Variants in RYR1 observed in about 807,000 individuals in gnomAD.
RYR1 encodes central core disease of muscle.
In RYR1, 342 loss-of-function variants were observed where a neutral mutation model predicts 583.5. That is an observed-to-expected ratio of 0.59 (90% confidence interval 0.54 to 0.64). RYR1 has a LOEUF of 0.64. RYR1 is among the 30% of genes least tolerant of loss of function. The probability of loss-of-function intolerance (pLI) is 0.00; values close to 1 mark genes in which losing one functional copy is unlikely to be tolerated. For synonymous variants in RYR1, 2,791 were observed against 2,822.5 expected, an observed-to-expected ratio of 0.99 and a Z score of 0.35; for missense variants, 6,032 against 6,917.2, an observed-to-expected ratio of 0.87 and a Z score of 4.54.
chr19:38,572,111 C>T lies in RYR1; in HGVS notation c.13839C>T (p.Gly4613=). 6.2e-7 allele frequency: 1 copy of T among 1,614,106 alleles called. No homozygotes were observed. Among genetic ancestry groups the T allele is most frequent in the Non-Finnish European group, 8.5e-7 (1 of 1,180,026 alleles). Residue 4613 remains glycine (G), a synonymous_variant, in exon 95 of 106, where the codon GGC becomes GGT. Coordinates refer to ENST00000359596, the MANE Select transcript of RYR1 (RefSeq NM_000540.3). ...GCTCTGGTGGCAGCTCTGGCTGGGG[C>T]TTGGGGGCCGGAGAGGAGGCAGAGG... ...GAGSGGSSGW[G]LGAGEEAEGD... is the part of the protein sequence containing the mutation.
At chr19:38,532,206 C>T (rs965265444) in intron 76 of RYR1, among the ~76,000 whole-genome samples, 5 of 151,548 alleles carry the variant, frequency 3.3e-5, no homozygotes, top group Non-Finnish European at 7.4e-5. Flanking sequence ...ACTGCAACCT[C>T]TGCCTCCCGG....
chr19:38,514,940 A>C, intron 63 of RYR1, 86 bp from the exon 64 acceptor site: 9 of 866,170 alleles, frequency 1.0e-5, no homozygotes. Context: ...TCCCCACTGC[A>C]TGGGCCTATT....
chr19:38,527,592 G>A, intron 72 of RYR1, 55 bp from the exon 73 acceptor site: 4 of 1,609,030 alleles, frequency 2.5e-6, no homozygotes, highest in Non-Finnish European at 3.4e-6. Context: ...GGGACATCCG[G>A]CGGACACTGT....
intron 33 of RYR1, among the ~76,000 whole-genome samples, chr19:38,484,583 C>T (rs751705146): frequency 6.6e-6 from 1 of 152,100 alleles, no homozygotes. Context: ...TCTAGTAATG[C>T]TTGTACATAA....
chr19:38,587,386 G>A lies in RYR1; in HGVS notation c.15083G>A (p.Cys5028Tyr). 1 of 1,614,034 alleles carries A rather than the reference G, an allele frequency of 6.2e-7. No homozygotes were observed. The change falls in exon 106 of 106, where the codon TGT becomes TAT. Residue 5028 changes from cysteine (C) to tyrosine (Y), a missense_variant. This residue lies in a region of RYR1 where 189 missense variants were observed against 350.3 expected (regional missense o/e 0.54). Coordinates refer to ENST00000359596, the MANE Select transcript of RYR1 (RefSeq NM_000540.3). ...TGGGATTTCTTCCCAGCTGGTGATT[G>A]TTTCCGTAAGCAGTATGAGGACCAG... ...RCWDFFPAGDCFRKQYEDQLS is the reference protein window; with the variant it reads ...RCWDFFPAGDYFRKQYEDQLS
At position 38,580,138 on chromosome 19, in the gene RYR1, G is replaced by C. The variant is rs763912282; in HGVS notation, c.14511+10G>C. The C allele has an allele frequency of 6.2e-7, 1 of 1,614,160 alleles. No homozygotes were observed. Among genetic ancestry groups the C allele is most frequent in the South Asian group, 1.1e-5 (1 of 91,084 alleles). ...CCACAATGGGAAACAGGTGTGGGGA[G>C]GACCTGGCTGTGGGGCGTGGGCCAG... On this transcript the variant is annotated intron_variant, in intron 100 of 105. Transcript: ENST00000359596.
At chr19:38,438,492 A>G (rs1413738414) in intron 1 of RYR1, among the ~76,000 whole-genome samples, 2 of 150,950 alleles carry the variant, frequency 1.3e-5, no homozygotes, top group Non-Finnish European at 2.9e-5. Flanking sequence ...CAGGCTTGGC[A>G]GTCCTCCCAC....
At position 38,458,089 on chromosome 19, in the gene RYR1, C is replaced by A. The variant is rs1393077327; in HGVS notation, c.1964C>A (p.Thr655Asn). ...PNIFVGRAEG[T>N]TQYSKWYFEV... ...ATCTTTGTGGGCCGAGCGGAAGGCA[C>A]CACGCAGTACAGCAAATGGTACTTT... is the stretch of plus-strand genomic sequence containing the variant. Residue 655 changes from threonine to asparagine, a missense_variant, in exon 18 of 106, where the codon ACC (threonine) becomes AAC (asparagine). Around this residue, in one of 11 missense-constraint regions of RYR1, gnomAD observed 2,627 missense variants for 2,961.3 expected, o/e 0.89. Coordinates refer to ENST00000359596, the MANE Select transcript of RYR1 (RefSeq NM_000540.3). 2 of 1,613,916 alleles carry A rather than the reference C, an allele frequency of 1.2e-6. No individual in the cohort carries two copies. The highest frequency in any genetic ancestry group is 1.1e-5 in the South Asian group (1 of 91,072).
intron 22 of RYR1, among the ~76,000 whole-genome samples, chr19:38,464,080 C>T (rs1449923208): frequency 2.6e-5 from 4 of 151,810 alleles, no homozygotes; most frequent in Non-Finnish European, 5.9e-5. Context: ...AGTTCGAGAC[C>T]AGTCTGGCCA....
At chr19:38,559,770 C>T (rs1973042838) in intron 89 of RYR1, among the ~76,000 whole-genome samples, 1 of 151,946 alleles carries the variant, frequency 6.6e-6, no homozygotes, top group African/African-American at 2.4e-5. Context: ...CTGTTCATAC[C>T]CCAGAGCAAC....
At position 38,506,528 on chromosome 19, in the gene RYR1, C is replaced by G; in HGVS notation, c.8674C>G (p.Gln2892Glu). Reference sequence around the variant, plus strand: ...CAACACGTGGGGACGGAAGAAGAAGCAGGAGCTGGAAGCCAAAGGTGAGGG... The same window carrying G: ...CAACACGTGGGGACGGAAGAAGAAGGAGGAGCTGGAAGCCAAAGGTGAGGG... The part of the protein sequence containing the change: ...YHNTWGRKKK[Q>E]ELEAKGGGTH... Residue 2892 changes from glutamine (Q) to glutamate (E), a missense_variant, in exon 56 of 106, where the codon CAG becomes GAG. Gln to Glu is a conservative substitution (Grantham distance 29). Coordinates refer to ENST00000359596, the MANE Select transcript of RYR1 (RefSeq NM_000540.3). 1 of 1,614,036 alleles carries G rather than the reference C, an allele frequency of 6.2e-7. No individual in the cohort carries two copies. Among genetic ancestry groups the G allele is most frequent in the East Asian group, 2.2e-5 (1 of 44,868 alleles).
chr19:38,515,406 C>T (rs1003551519), intron 64 of RYR1, among the ~76,000 whole-genome samples: 1 of 152,150 alleles, frequency 6.6e-6, no homozygotes, highest in Non-Finnish European at 1.5e-5. Flanking sequence ...CTGGGGAGGG[C>T]CCCTGGCAGT....
chr19:38,535,094 C>T (rs769858497), intron 79 of RYR1, 47 bp from the exon 80 acceptor site: 6 of 1,580,968 alleles, frequency 3.8e-6, no homozygotes, highest in Non-Finnish European at 5.2e-6. Context: ...GTGGAACACA[C>T]TGCCTTCCAA....
intron 18 of RYR1, 120 bp downstream of exon 18, chr19:38,458,412 C>G: frequency 1.0e-6 from 1 of 987,024 alleles, no homozygotes; most frequent in African/African-American, 1.6e-5. Flanking sequence ...CAACTTTTGA[C>G]CTTTTAGTCC....
chr19:38,541,470 C>G (rs1972186109), intron 84 of RYR1, among the ~76,000 whole-genome samples: 1 of 152,194 alleles, frequency 6.6e-6, no homozygotes, highest in Non-Finnish European at 1.5e-5. Flanking sequence ...AATCCCAGCA[C>G]TTTGGGAGGC....
Position 38,448,669 on chromosome 19 carries a change from C to G in RYR1, c.978C>G (p.Pro326=). 1 of 1,614,228 alleles carries G rather than the reference C, an allele frequency of 6.2e-7. No individual in the cohort carries two copies. The highest frequency in any genetic ancestry group is 8.5e-7 in the Non-Finnish European group (1 of 1,180,032). Residue 326 remains proline (P), a synonymous_variant, in exon 11 of 106, where the codon CCC becomes CCG. Coordinates refer to ENST00000359596, the MANE Select transcript of RYR1 (RefSeq NM_000540.3). ...RISKEKLDVA[P]KRDVEGMGPP... is the part of the protein sequence containing the mutation. The stretch of plus-strand genomic sequence containing the variant: ...TGTAGGAGAAGCTGGATGTGGCCCC[C>G]AAGCGGGATGTGGAGGGCATGGGCC...
At chr19:38,455,841 CCCT>C (rs1238370217) in intron 16 of RYR1, 90 bp downstream of exon 16, 1 of 822,148 alleles carries the variant, frequency 1.2e-6, no homozygotes, top group Admixed American at 1.7e-5. Flanking sequence ...TCCCTCACTT[CCCT>C]CCTCCATCTC....
intron 60 of RYR1, among the ~76,000 whole-genome samples, chr19:38,511,054 G>T (rs1350695165): frequency 6.6e-6 from 1 of 152,124 alleles, no homozygotes; most frequent in Non-Finnish European, 1.5e-5. Flanking sequence ...CCAACACTTT[G>T]GGAAGCTGAG....
chr19:38,458,154 C>T lies in RYR1; in HGVS notation c.2029C>T (p.Gln677Ter), dbSNP rs878854365. 5 of 1,613,914 alleles carry T rather than the reference C, an allele frequency of 3.1e-6. No homozygotes were observed. Among genetic ancestry groups the T allele is most frequent in the South Asian group, 1.1e-5 (1 of 91,094 alleles). The change falls in exon 18 of 106, where the codon CAG becomes TAG. Residue 677 changes from glutamine to a stop codon, truncating the protein, a stop_gained. Transcript: ENST00000359596. LOFTEE classifies it high-confidence loss of function. ...CGAGGTGACTCCATTTCTGACAGCT[C>T]AGGCCACCCACTTGCGGGTGGGCTG... is the stretch of plus-strand genomic sequence containing the variant. ...VDEVTPFLTA[Q>*]ATHLRVGWAL... is the part of the protein sequence containing the mutation.
Sources: allele counts gnomAD v4.1 joint callset (sites outside exome capture counted in the v4.1 genomes callset), GRCh38; gene constraint gnomAD v4.1.1; regional missense constraint gnomAD v4.1.1; transcripts MANE v1.5; gene names NCBI Gene and HGNC (gene_info 2026-07-23, HGNC 2026-07-21).